ANKRD11: variants seen among roughly 807,000 people sequenced by gnomAD.
ANKRD11 encodes the protein ankyrin repeat domain 11, also known as ankyrin repeat domain-containing protein 11.
In ANKRD11, 17 loss-of-function variants were observed where a neutral mutation model predicts 195.7. The ratio of observed to expected loss-of-function variants is 0.09; its 90% CI spans 0.06 to 0.13. The LOEUF (loss-of-function observed/expected upper bound fraction) is 0.13. Among genes scored for constraint, ANKRD11 ranks in the 10% least tolerant of loss-of-function variants. The pLI is 1.00. For synonymous variants in ANKRD11, 1,953 were observed against 1,528.1 expected (o/e 1.28, Z -6.49); for missense variants, 3,735 against 3,566.1 (o/e 1.05, Z -1.21).
chr16:89,426,601 C>T (rs1029513403), intron 1 of ANKRD11, among the ~76,000 whole-genome samples: 1 of 150,440 alleles, frequency 6.6e-6, no homozygotes, highest in Non-Finnish European at 1.5e-5. Context: ...GACATAAGAC[C>T]AACCTTTCAG....
At chr16:89,278,166 G>A (rs955003129) in intron 9 of ANKRD11, 6 of 291,130 alleles carry the variant, frequency 2.1e-5, no homozygotes, top group Admixed American at 1.5e-4. Flanking sequence ...AACGCCACAC[G>A]CTGGGGCTGG....
At chr16:89,335,475 G>A (rs774815360) in intron 2 of ANKRD11, among the ~76,000 whole-genome samples, 5 of 152,212 alleles carry the variant, frequency 3.3e-5, no homozygotes, top group Non-Finnish European at 7.4e-5. Context: ...CACGCAGTAC[G>A]CAGTGGGTTA....
At position 89,456,785 on chromosome 16, in the gene ANKRD11, A is replaced by G. The variant is rs1209638674; in HGVS notation, c.-145+33460T>C. ...AATAGACAGATCCACAGTGGCACAG[A>G]GTCAACAGTGGCTGAAGAGCTGCGG... On this transcript the variant is annotated intron_variant, in intron 1 of 12. Transcript: ENST00000301030. Among the ~76,000 whole-genome samples, 3 of 152,194 alleles carry G rather than the reference A, an allele frequency of 2.0e-5. No homozygotes were observed. The East Asian group carries it at 5.8e-4, about 29-fold the overall frequency.
At chr16:89,330,019 A>G (rs1465149122) in intron 2 of ANKRD11, among the ~76,000 whole-genome samples, 2 of 151,872 alleles carry the variant, frequency 1.3e-5, no homozygotes, top group Non-Finnish European at 2.9e-5. Flanking sequence ...ATAAAATAAA[A>G]TAAAATAAAA....
At chr16:89,432,041 G>A (rs1365073052) in intron 1 of ANKRD11, among the ~76,000 whole-genome samples, 1 of 152,016 alleles carries the variant, frequency 6.6e-6, no homozygotes, top group Non-Finnish European at 1.5e-5. Context: ...GTTCAAGAGT[G>A]TCTCAGTATT....
chr16:89,408,961 A>C (rs1323610902), intron 2 of ANKRD11, among the ~76,000 whole-genome samples: 1 of 152,198 alleles, frequency 6.6e-6, no homozygotes, highest in Non-Finnish European at 1.5e-5. Context: ...TGCGGTTTCT[A>C]AAAGTAGGAG....
intron 1 of ANKRD11, among the ~76,000 whole-genome samples, chr16:89,441,783 AAAAAAAAAAAC>A (rs2043511328): frequency 1.4e-5 from 2 of 138,870 alleles, no homozygotes; most frequent in Admixed American, 7.2e-5. Flanking sequence ...AAAAAAAAAA[AAAAAAAAAAAC>A]GCAAACCTGA....
At chr16:89,358,487 A>G (rs1464790672) in intron 2 of ANKRD11, among the ~76,000 whole-genome samples, 1 of 152,268 alleles carries the variant, frequency 6.6e-6, no homozygotes, top group Non-Finnish European at 1.5e-5. Context: ...AAGGATAACT[A>G]GTTGAGAAGA....
At chr16:89,364,834 C>A (rs1238814230) in intron 2 of ANKRD11, among the ~76,000 whole-genome samples, 1 of 152,214 alleles carries the variant, frequency 6.6e-6, no homozygotes, top group Non-Finnish European at 1.5e-5. Context: ...CTCAGCACCA[C>A]GGCCAACCTG....
rs1257714722 is a variant in ANKRD11 at position 89,384,874 on chromosome 16, G to GTTTTTTTTTTT, written c.-60+33409_-60+33410insAAAAAAAAAAA. On this transcript the variant is annotated intron_variant, in intron 2 of 12. Transcript: ENST00000301030. ...GTGTGGGAGCACACAATGAGAAATA[G>GTTTTTTTTTTT]TTTTCTTTTTTTTTTTTTTTTTTTT... is the stretch of plus-strand genomic sequence containing the variant. Among the ~76,000 whole-genome samples the GTTTTTTTTTTT allele has an allele frequency of 1.1e-4, 8 of 72,746 alleles. 1 individual carries two copies. Among genetic ancestry groups the GTTTTTTTTTTT allele is most frequent in the African/African-American group, 4.5e-4 (8 of 17,756 alleles). The allele number at this position is 72,746 out of a possible 152,430, so 47.7% of individuals were successfully genotyped here. A position where few individuals can be genotyped will look rare whatever the true frequency, so the allele number is the denominator to read the frequency against.
chr16:89,324,119 C>A, intron 2 of ANKRD11: 1 of 690,992 alleles, frequency 1.4e-6, no homozygotes, highest in Non-Finnish European at 2.0e-6. Context: ...CAAAGTGCCC[C>A]ACGGCACAAC....
chr16:89,456,252 G>C (rs374936651), intron 1 of ANKRD11, among the ~76,000 whole-genome samples: 1 of 151,258 alleles, frequency 6.6e-6, no homozygotes, highest in South Asian at 2.1e-4. Flanking sequence ...AAAAAAAAGG[G>C]GGGGTGGAAA....
At chr16:89,318,701 C>A (rs1430767498) in intron 2 of ANKRD11, among the ~76,000 whole-genome samples, 2 of 152,202 alleles carry the variant, frequency 1.3e-5, no homozygotes, top group African/African-American at 4.8e-5. Flanking sequence ...CATCTCATGA[C>A]CTGCTTTGTC....
intron 2 of ANKRD11, among the ~76,000 whole-genome samples, chr16:89,399,115 G>A (rs1458379924): frequency 6.6e-6 from 1 of 152,156 alleles, no homozygotes. Flanking sequence ...CACAGCCCAG[G>A]TGGCTCCGAA....
At chr16:89,274,576 A>C (rs1432734953) in intron 11 of ANKRD11, among the ~76,000 whole-genome samples, 7 of 152,208 alleles carry the variant, frequency 4.6e-5, no homozygotes, top group Non-Finnish European at 1.0e-4. Context: ...GCTGAGGCCC[A>C]GCCCAGTGGC....
chr16:89,284,678 G>A lies in ANKRD11; in HGVS notation c.1864C>T (p.Leu622=). 1 of 1,613,994 alleles carries A rather than the reference G, an allele frequency of 6.2e-7. No homozygotes were observed. The highest frequency in any genetic ancestry group is 8.5e-7 in the Non-Finnish European group (1 of 1,180,014). ...TTGACAACTTTCCCCTCCTTGTCCA[G>A]TTTGGGGACAGCGCCCTCCGCGCTG... ...LSSAEGAVPK[L]DKEGKVVKKH... The change falls in exon 9 of 13, where the codon CTG becomes TTG. Residue 622 remains leucine, a synonymous_variant. Coordinates refer to ENST00000301030, the MANE Select transcript of ANKRD11 (RefSeq NM_013275.6).
In ANKRD11 at chr16:89,282,459, G is replaced by A. The variant is rs1171269412; in HGVS notation, c.4083C>T (p.His1361=). Residue 1361 remains histidine (H), a synonymous_variant, in exon 9 of 13, where the codon CAC becomes CAT. Coordinates refer to ENST00000301030, the MANE Select transcript of ANKRD11 (RefSeq NM_013275.6). ...RHSSSSSKKS[H]DRERAKKEKA... is the part of the protein sequence containing the mutation. ...TCTCTTTCTTGGCTCGCTCTCGGTC[G>A]TGGCTCTTCTTGGATGAAGATGAGG... 30 of 1,613,730 alleles carry A rather than the reference G, an allele frequency of 1.9e-5. No individual in the cohort carries two copies. Among genetic ancestry groups the A allele is most frequent in the African/African-American group, 5.3e-5 (4 of 74,790 alleles).
At chr16:89,490,000 C>T (rs1400595659) in intron 1 of ANKRD11, among the ~76,000 whole-genome samples, 1 of 110,500 alleles carries the variant, frequency 9.0e-6, no homozygotes. Flanking sequence ...ACGGCCACCC[C>T]GGGCCCCCAA....
At chr16:89,456,124 C>A (rs2056423406) in intron 1 of ANKRD11, among the ~76,000 whole-genome samples, 1 of 151,928 alleles carries the variant, frequency 6.6e-6, no homozygotes, top group African/African-American at 2.4e-5. Context: ...CCTGTAGTCC[C>A]AGCTACCCGG....
Sources: allele counts gnomAD v4.1 joint callset (sites outside exome capture counted in the v4.1 genomes callset), GRCh38; gene constraint gnomAD v4.1.1; transcripts MANE v1.5; gene names NCBI Gene and HGNC (gene_info 2026-07-23, HGNC 2026-07-21).